Variants in ADGRB3 observed in about 807,000 individuals in gnomAD.
The protein encoded by ADGRB3 is brain-specific angiogenesis inhibitor 3.
A neutral mutation model predicts 193.4 loss-of-function variants in ADGRB3; 37 were observed. The observed-to-expected ratio is 0.19, with a 90% confidence interval of 0.15 to 0.25. The LOEUF (loss-of-function observed/expected upper bound fraction) is 0.25, where lower values mean the gene tolerates loss of function less well. ADGRB3 is among the 10% of genes least tolerant of loss of function. The probability of loss-of-function intolerance (pLI) is 1.00; values close to 1 mark genes in which losing one functional copy is unlikely to be tolerated. For missense variants in ADGRB3, 1,637 were observed against 1,852.9 expected (o/e 0.88, Z 2.14); for synonymous variants, 690 against 644.2 (o/e 1.07, Z -1.08).
At chr6:68,894,982 A>G (rs1304175060) in intron 3 of ADGRB3, among the ~76,000 whole-genome samples, 1 of 151,984 alleles carries the variant, frequency 6.6e-6, no homozygotes, top group East Asian at 1.9e-4. Context: ...GTTGAAAAAA[A>G]AAGTCTGCTT....
chr6:69,341,388 A>T (rs1287321533), intron 26 of ADGRB3, among the ~76,000 whole-genome samples: 1 of 152,114 alleles, frequency 6.6e-6, no homozygotes, highest in Admixed American at 6.6e-5. Context: ...TATTTTTCAT[A>T]TATTTGTTGG....
At chr6:68,947,509 A>G (rs184041047) in intron 6 of ADGRB3, among the ~76,000 whole-genome samples, 49 of 152,276 alleles carry the variant, frequency 3.2e-4, no homozygotes, top group African/African-American at 1.1e-3. Flanking sequence ...TGACATGAAC[A>G]TATCCAAATT....
intron 3 of ADGRB3, among the ~76,000 whole-genome samples, chr6:68,827,174 A>C (rs1767860581): frequency 6.6e-6 from 1 of 152,144 alleles, no homozygotes; most frequent in Non-Finnish European, 1.5e-5. Context: ...AGGCAGATTG[A>C]TATTGAACAG....
At chr6:68,938,106 G>A (rs1767530531) in intron 5 of ADGRB3, among the ~76,000 whole-genome samples, 2 of 151,924 alleles carry the variant, frequency 1.3e-5, no homozygotes, top group African/African-American at 4.8e-5. Context: ...AACCTATGAG[G>A]AAAGAAAGGC....
At chr6:68,842,225 A>G (rs1307572212) in intron 3 of ADGRB3, among the ~76,000 whole-genome samples, 1 of 151,966 alleles carries the variant, frequency 6.6e-6, no homozygotes, top group Admixed American at 6.6e-5. Flanking sequence ...ACAAAAATCA[A>G]TGAACCAAAA....
At chr6:69,168,752 G>C (rs1415997859) in intron 17 of ADGRB3, among the ~76,000 whole-genome samples, 2 of 151,992 alleles carry the variant, frequency 1.3e-5, no homozygotes. Flanking sequence ...AAATGTTGTA[G>C]AATTACTCAT....
chr6:68,880,649 AT>A (rs1389895586), intron 3 of ADGRB3, among the ~76,000 whole-genome samples: 1 of 152,198 alleles, frequency 6.6e-6, no homozygotes, highest in East Asian at 1.9e-4. Context: ...TAAGGAAGTC[AT>A]TTATGGAAGG....
chr6:68,914,456 G>A (rs1040052212), intron 3 of ADGRB3, among the ~76,000 whole-genome samples: 2 of 151,936 alleles, frequency 1.3e-5, no homozygotes, highest in African/African-American at 4.8e-5. Flanking sequence ...CTTCGTACGT[G>A]AAGGAGAAAT....
At chr6:68,913,113 G>T (rs1321372583) in intron 3 of ADGRB3, among the ~76,000 whole-genome samples, 1 of 152,226 alleles carries the variant, frequency 6.6e-6, no homozygotes, top group Admixed American at 6.5e-5. Context: ...ACCTCTGGGG[G>T]CAGGGCACTG....
At chr6:69,299,867 T>C (rs1384505127) in intron 20 of ADGRB3, among the ~76,000 whole-genome samples, 2 of 151,840 alleles carry the variant, frequency 1.3e-5, no homozygotes, top group African/African-American at 4.8e-5. Context: ...CTATTCTGAG[T>C]CTTTTGTGAT....
chr6:68,846,805 C>A (rs899000311), intron 3 of ADGRB3, among the ~76,000 whole-genome samples: 3 of 151,960 alleles, frequency 2.0e-5, no homozygotes, highest in Non-Finnish European at 4.4e-5. Context: ...GGGTCAGAGC[C>A]CTCACACAGA....
In ADGRB3 at chr6:68,638,447, C is replaced by T. The variant is rs564725689; in HGVS notation, c.-15-214C>T. 9.7e-4 allele frequency among the ~76,000 whole-genome samples: 147 copies of T among 152,254 alleles called. 1 individual carries two copies. The highest frequency in any genetic ancestry group is 1.8e-3 in the Non-Finnish European group (123 of 68,032). On this transcript the variant is annotated intron_variant, in intron 2 of 31. Transcript: ENST00000370598. ...AATGTTATTTTTAAATTGAATGTTG[C>T]GAATTTGACCATTGTGAATGGCCAC...
At chr6:69,367,479 A>G (rs928399100) in intron 29 of ADGRB3, among the ~76,000 whole-genome samples, 1 of 151,978 alleles carries the variant, frequency 6.6e-6, no homozygotes, top group Admixed American at 6.6e-5. Context: ...AGTCCCACCA[A>G]CAGTGTAAAA....
At chr6:68,803,456 C>A (rs1269791677) in intron 3 of ADGRB3, among the ~76,000 whole-genome samples, 1 of 152,106 alleles carries the variant, frequency 6.6e-6, no homozygotes, top group South Asian at 2.1e-4. Flanking sequence ...AGTGGAATTG[C>A]TCAACCTCCA....
chr6:68,911,812 CT>C lies in ADGRB3; in HGVS notation c.758-18732del, dbSNP rs79737496. Among the ~76,000 whole-genome samples, 1,085 of 119,910 alleles carry C rather than the reference CT, an allele frequency of 9.0e-3. 5 individuals are homozygous for C. The highest frequency in any genetic ancestry group is 0.017 in the African/African-American group (560 of 32,566). 78.7% of individuals were successfully genotyped at this position (119,910 alleles called of 152,430 possible). ...TGAAAGTTGGCTTTTTGGAAAATTA[CT>C]TTTTTTTTTTTTTTGCTACACAAAG... On this transcript the variant is annotated intron_variant, in intron 3 of 31. Coordinates refer to ENST00000370598, the MANE Select transcript of ADGRB3 (RefSeq NM_001704.3).
chr6:68,948,277 A>T (rs1423588215), intron 6 of ADGRB3, among the ~76,000 whole-genome samples: 1 of 152,108 alleles, frequency 6.6e-6, no homozygotes, highest in Non-Finnish European at 1.5e-5. Context: ...ACTAGAGATA[A>T]CAGTTTTTCT....
intron 3 of ADGRB3, among the ~76,000 whole-genome samples, chr6:68,773,836 T>A (rs1005215312): frequency 2.6e-5 from 4 of 151,926 alleles, no homozygotes; most frequent in Non-Finnish European, 5.9e-5. Context: ...GAGACTTAGA[T>A]GTAAGATAGA....
chr6:69,048,378 T>C (rs1771299076), intron 14 of ADGRB3, 44 bp downstream of exon 14: 2 of 1,551,814 alleles, frequency 1.3e-6, no homozygotes, highest in Non-Finnish European at 1.8e-6. Flanking sequence ...ACATTTTTGA[T>C]AAGGTCATTT....
rs866034305 is a variant in ADGRB3 at position 69,118,100 on chromosome 6, A to G, written c.2480+42062A>G. ...AGTCATGAGCTTCTGGAGTCTAGGT[A>G]TGGCCCTATTATCAATCAAATTGAG... On this transcript the variant is annotated intron_variant, in intron 17 of 31. Transcript: ENST00000370598. Among the ~76,000 whole-genome samples, 40 of 152,322 alleles carry G rather than the reference A, an allele frequency of 2.6e-4. 1 individual carries two copies. Among genetic ancestry groups the G allele is most frequent in the African/African-American group, 8.9e-4 (37 of 41,572 alleles).
Sources: gnomAD v4.1 joint callset for allele counts (sites outside exome capture counted in the v4.1 genomes callset) on GRCh38, gnomAD v4.1.1 for gene constraint, MANE v1.5 for transcripts, NCBI Gene and HGNC (gene_info 2026-07-23, HGNC 2026-07-21) for gene names.